Variants in MROH2B observed in about 807,000 individuals in gnomAD.
The protein encoded by MROH2B is maestro heat like repeat family member 2B, also known as maestro heat-like repeat-containing protein family member 2B.
Under a neutral mutation model 208.6 loss-of-function variants are expected in MROH2B, and 177 were observed. The ratio of observed to expected loss-of-function variants is 0.85; its 90% CI spans 0.75 to 0.96. MROH2B has a LOEUF of 0.96. Ranked by LOEUF, MROH2B falls within the 40% of genes least tolerant of loss-of-function variation. The pLI is 0.00. For missense variants in MROH2B, 2,002 were observed against 1,878.7 expected, an observed-to-expected ratio of 1.07 and a Z score of -1.21; for synonymous variants, 728 against 659.0, an observed-to-expected ratio of 1.10 and a Z score of -1.60.
chr5:41,001,108 T>C (rs1478588749), intron 37 of MROH2B, among the ~76,000 whole-genome samples: 1 of 152,102 alleles, frequency 6.6e-6, no homozygotes, highest in African/African-American at 2.4e-5. Flanking sequence ...AGTGGGGAAG[T>C]GTGACCAGGA....
intron 3 of MROH2B, 140 bp downstream of exon 3, chr5:41,066,968 A>G (rs1561310309): frequency 6.1e-6 from 4 of 651,468 alleles, no homozygotes; most frequent in Non-Finnish European, 8.2e-6. Flanking sequence ...ATCAGGCATT[A>G]TAACGATATC....
chr5:41,008,632 T>A lies in MROH2B; in HGVS notation c.3582A>T (p.Glu1194Asp). The change falls in exon 33 of 42, where the codon GAA becomes GAT. Residue 1194 changes from glutamate to aspartate, a missense_variant. Transcript: ENST00000399564. ...TGCAGGGGTCTGGGATCTGCTGCTG[T>A]TCTCCCTGCTGCATCACATGCCGCC... ...SHRRHVMQQG[E>D]QQQIPDPCRL... 1.2e-6 allele frequency: 2 copies of A among 1,613,884 alleles called. No homozygotes were observed. Among genetic ancestry groups the A allele is most frequent in the Non-Finnish European group, 1.7e-6 (2 of 1,179,836 alleles).
At chr5:41,046,441 G>GCTT (rs55760689) in intron 17 of MROH2B, among the ~76,000 whole-genome samples, 2 of 147,302 alleles carry the variant, frequency 1.4e-5, no homozygotes, top group Non-Finnish European at 1.5e-5. Context: ...ATAGAAAAGT[G>GCTT]TTTTTTTTTT....
In MROH2B at chr5:41,064,600, G is replaced by A. The variant is rs975190142; in HGVS notation, c.362-30C>T. The A allele has an allele frequency of 1.9e-6, 3 of 1,559,308 alleles. No homozygotes were observed. In the African/African-American group the frequency reaches 4.1e-5, roughly 21 times the overall value. On this transcript the variant is annotated intron_variant, in intron 4 of 41. Coordinates refer to ENST00000399564, the MANE Select transcript of MROH2B (RefSeq NM_173489.5). ...AGGGAGAGGCAGAAAGGAGACAAGTGTTATTTATCTTCTCAAATTTGGGGT... is the reference window on the plus strand; with the variant it reads ...AGGGAGAGGCAGAAAGGAGACAAGTATTATTTATCTTCTCAAATTTGGGGT...
chr5:41,009,521 T>C (rs1741707589), intron 31 of MROH2B, 115 bp from the exon 32 acceptor site: 1 of 1,278,520 alleles, frequency 7.8e-7, no homozygotes, highest in Non-Finnish European at 1.1e-6. Context: ...CAAGGGCAGA[T>C]GGACATGCTG....
intron 12 of MROH2B, 118 bp from the exon 13 acceptor site, chr5:41,051,208 G>T: frequency 4.0e-6 from 2 of 494,576 alleles, no homozygotes; most frequent in Non-Finnish European, 6.7e-6. Context: ...AACTTAAGGG[G>T]CTCATGGAAC....
At chr5:40,998,266 T>C in intron 41 of MROH2B, 108 bp from the exon 42 acceptor site, 2 of 786,714 alleles carry the variant, frequency 2.5e-6, no homozygotes, top group Non-Finnish European at 4.2e-6. Flanking sequence ...CAGACCCAAG[T>C]GGGGCTCAGG....
intron 18 of MROH2B, among the ~76,000 whole-genome samples, chr5:41,044,938 C>T (rs759974676): frequency 1.1e-4 from 16 of 152,092 alleles, no homozygotes; most frequent in Non-Finnish European, 2.2e-4. Flanking sequence ...TCTCATTGAA[C>T]CCTCAGAATA....
In MROH2B at chr5:40,998,800, A is replaced by G; in HGVS notation, c.4586-123T>C. 2 of 740,538 alleles carry G rather than the reference A, an allele frequency of 2.7e-6. 1 individual carries two copies. The highest frequency in any genetic ancestry group is 3.7e-5 in the South Asian group (2 of 54,734). 45.9% of individuals were successfully genotyped at this position (740,538 alleles called of 1,614,324 possible). On this transcript the variant is annotated intron_variant, in intron 40 of 41. Coordinates refer to ENST00000399564, the MANE Select transcript of MROH2B (RefSeq NM_173489.5). Reference sequence around the variant, plus strand: ...TGGTAGGCTGGTGAATGAGCAAACTATATGACTTCCTTTGCACCCCCTAGA... The same window carrying G: ...TGGTAGGCTGGTGAATGAGCAAACTGTATGACTTCCTTTGCACCCCCTAGA...
In MROH2B at chr5:41,065,330, C is replaced by G; in HGVS notation, c.361+1G>C. ...AAAATTGGAGAATATTCCCGCTATA[C>G]CATAGCTGGTTGCCAATTCAGCCAG... On this transcript the variant is annotated splice_donor_variant, in intron 4 of 41. Transcript: ENST00000399564. LOFTEE classifies it high-confidence loss of function. The G allele has an allele frequency of 6.2e-7, 1 of 1,610,282 alleles. No homozygotes were observed. Among genetic ancestry groups the G allele is most frequent in the African/African-American group, 1.3e-5 (1 of 74,948 alleles).
In MROH2B at chr5:41,032,834, TAAG is replaced by T. The variant is rs748966666; in HGVS notation, c.2362-16_2362-14del. 5.6e-6 allele frequency: 9 copies of T among 1,606,612 alleles called. No homozygotes were observed. In the South Asian group the frequency reaches 1.0e-4, roughly 18 times the overall value. ...CTCTAATGAAGTCCTGAAACATAAA[TAAG>T]GAGATTAAATGTTTCAGAAAGGCTC... On this transcript the variant is annotated splice_polypyrimidine_tract_variant and intron_variant, in intron 23 of 41. Transcript: ENST00000399564.
At chr5:41,014,186 A>C (rs961052567) in intron 29 of MROH2B, among the ~76,000 whole-genome samples, 1 of 152,306 alleles carries the variant, frequency 6.6e-6, no homozygotes, top group East Asian at 1.9e-4. Context: ...AAATTGCCAT[A>C]ACACCAATAT....
intron 29 of MROH2B, among the ~76,000 whole-genome samples, chr5:41,013,866 T>C (rs1350866601): frequency 1.3e-5 from 2 of 152,234 alleles, no homozygotes; most frequent in Non-Finnish European, 2.9e-5. Flanking sequence ...CAATTACTCA[T>C]GTCTCTGCTA....
intron 24 of MROH2B, among the ~76,000 whole-genome samples, chr5:41,032,225 C>A (rs1435842830): frequency 6.6e-6 from 1 of 152,092 alleles, no homozygotes; most frequent in Non-Finnish European, 1.5e-5. Context: ...TTCTCCACAA[C>A]CTTAGCAGCA....
intron 24 of MROH2B, among the ~76,000 whole-genome samples, chr5:41,023,664 A>G (rs1009680430): frequency 6.6e-6 from 1 of 152,208 alleles, no homozygotes; most frequent in African/African-American, 2.4e-5. Context: ...CAACATTCAA[A>G]TTCAGGAAAT....
chr5:41,055,895 A>G (rs763707826), intron 9 of MROH2B, 40 bp from the exon 10 acceptor site: 1 of 1,422,174 alleles, frequency 7.0e-7, no homozygotes, highest in Non-Finnish European at 9.9e-7. Flanking sequence ...ACTCATTTTC[A>G]TCCTAGGTAA....
intron 19 of MROH2B, 138 bp downstream of exon 19, chr5:41,041,954 C>A: frequency 2.2e-6 from 1 of 445,320 alleles, no homozygotes. Context: ...CCGAAAAATT[C>A]TGTTAGGCTA....
At chr5:41,049,463 G>A (rs759139162) in intron 13 of MROH2B, 27 bp from the exon 14 acceptor site, 6 of 1,594,650 alleles carry the variant, frequency 3.8e-6, no homozygotes, top group Middle Eastern at 3.5e-4. Context: ...ATGATGCAAG[G>A]ATTGCTTATT....
chr5:41,010,138 C>G, intron 30 of MROH2B, 59 bp from the exon 31 acceptor site: 1 of 1,548,700 alleles, frequency 6.5e-7, no homozygotes, highest in Non-Finnish European at 8.8e-7. Flanking sequence ...ATGTGAATGA[C>G]TCAGAACAGG....
Sources: allele counts gnomAD v4.1 joint callset (sites outside exome capture counted in the v4.1 genomes callset), GRCh38; gene constraint gnomAD v4.1.1; transcripts MANE v1.5; gene names NCBI Gene and HGNC (gene_info 2026-07-23, HGNC 2026-07-21).